The following DCC variants were observed in gnomAD, a reference collection of about 807,000 sequenced individuals.
DCC encodes netrin receptor DCC.
Under a neutral mutation model 172.5 loss-of-function variants are expected in DCC, and 58 were observed. The observed-to-expected ratio is 0.34, with a 90% CI of 0.27 to 0.42. The LOEUF (loss-of-function observed/expected upper bound fraction) is 0.42. Among genes scored for constraint, DCC ranks in the 10% least tolerant of loss-of-function variants. The pLI, the probability that DCC is intolerant of heterozygous loss-of-function variation, is 1.00. For synonymous variants in DCC, 709 were observed against 644.5 expected, an observed-to-expected ratio of 1.10 and a Z score of -1.52; for missense variants, 1,740 against 1,791.0, an observed-to-expected ratio of 0.97 and a Z score of 0.51.
chr18:52,803,602 A>T (rs1293914346), intron 2 of DCC, among the ~76,000 whole-genome samples: 1 of 152,184 alleles, frequency 6.6e-6, no homozygotes. Flanking sequence ...TTTACTTTAT[A>T]TTTAGGCTAC....
chr18:53,344,159 C>T (rs1049528675), intron 15 of DCC, among the ~76,000 whole-genome samples: 4 of 151,870 alleles, frequency 2.6e-5, no homozygotes, highest in Non-Finnish European at 5.9e-5. Flanking sequence ...CCTCCTGATA[C>T]TTATTTTAGT....
At chr18:53,280,546 T>G (rs928060570) in intron 12 of DCC, among the ~76,000 whole-genome samples, 4 of 152,126 alleles carry the variant, frequency 2.6e-5, no homozygotes, top group South Asian at 4.1e-4. Flanking sequence ...CTGGGTGTTT[T>G]CTTTCTTCCT....
intron 15 of DCC, among the ~76,000 whole-genome samples, chr18:53,355,589 A>T (rs1192432714): frequency 6.6e-6 from 1 of 152,278 alleles, no homozygotes; most frequent in South Asian, 2.1e-4. Flanking sequence ...ATTAGTGTAT[A>T]AGAATGCTCG....
chr18:53,459,439 C>A lies in DCC; in HGVS notation c.3600C>A (p.Ser1200Arg). ...SHSQSETQLG[S>R]KSTSHSGQDT... ...GCCAGTCAGAAACCCAACTGGGAAG[C>A]AAAAGCACCTCTCATTCAGGTAATT... The change falls in exon 24 of 29, where the codon AGC becomes AGA. Residue 1200 changes from serine to arginine, a missense_variant. Around this residue, in one of 2 missense-constraint regions of DCC, gnomAD observed 1,732 missense variants for 1,767.4 expected, o/e 0.98. Transcript: ENST00000442544. 4 of 1,609,510 alleles carry A rather than the reference C, an allele frequency of 2.5e-6. No individual in the cohort carries two copies. Among genetic ancestry groups the A allele is most frequent in the Non-Finnish European group, 3.4e-6 (4 of 1,175,938 alleles).
At chr18:52,481,272 C>G (rs972474361) in intron 1 of DCC, among the ~76,000 whole-genome samples, 1 of 149,868 alleles carries the variant, frequency 6.7e-6, no homozygotes, top group East Asian at 1.9e-4. Context: ...GCCAGCCTGG[C>G]GCATGTGGCT....
intron 12 of DCC, among the ~76,000 whole-genome samples, chr18:53,226,948 A>ATATATATATATTTTTTTTT: frequency 5.7e-5 from 3 of 52,948 alleles, no homozygotes; most frequent in African/African-American, 1.9e-4. Context: ...ATATATATAT[A>ATATATATATATTTTTTTTT]TTTTTTTTTT....
chr18:53,136,330 T>A (rs1220189040), intron 7 of DCC, among the ~76,000 whole-genome samples: 1 of 151,954 alleles, frequency 6.6e-6, no homozygotes, highest in East Asian at 1.9e-4. Flanking sequence ...TTTACAGGTG[T>A]GTTTGTGTGT....
At chr18:53,209,736 A>T (rs942271577) in intron 11 of DCC, among the ~76,000 whole-genome samples, 9 of 152,210 alleles carry the variant, frequency 5.9e-5, no homozygotes, top group African/African-American at 2.2e-4. Context: ...GGTAGAATAA[A>T]TTACTTCACA....
chr18:53,136,436 TATTGC>T (rs764415814), intron 7 of DCC, among the ~76,000 whole-genome samples: 3 of 152,158 alleles, frequency 2.0e-5, no homozygotes, highest in Admixed American at 2.0e-4. Context: ...GCTTTAAGTA[TATTGC>T]ATTTTTAGTT....
At chr18:53,088,276 T>A (rs8088552) in intron 7 of DCC, among the ~76,000 whole-genome samples, 1 of 151,934 alleles carries the variant, frequency 6.6e-6, no homozygotes, top group East Asian at 1.9e-4. Flanking sequence ...TCTTTGATTT[T>A]GTTGAGCAGT....
chr18:52,638,648 C>T (rs1265859933), intron 1 of DCC, among the ~76,000 whole-genome samples: 1 of 152,104 alleles, frequency 6.6e-6, no homozygotes, highest in African/African-American at 2.4e-5. Flanking sequence ...AACATATATG[C>T]ACCTAACACA....
At chr18:52,651,509 T>C (rs2035130431) in intron 1 of DCC, among the ~76,000 whole-genome samples, 2 of 152,066 alleles carry the variant, frequency 1.3e-5, no homozygotes, top group Admixed American at 1.3e-4. Flanking sequence ...CTTTTTTTTT[T>C]TTTTTGCAGA....
intron 1 of DCC, among the ~76,000 whole-genome samples, chr18:52,614,092 T>C (rs2034330332): frequency 6.6e-6 from 1 of 152,170 alleles, no homozygotes; most frequent in African/African-American, 2.4e-5. Flanking sequence ...CTGCCAGCCT[T>C]TTGGAATCAA....
At chr18:52,623,244 C>T (rs1444796172) in intron 1 of DCC, among the ~76,000 whole-genome samples, 1 of 152,158 alleles carries the variant, frequency 6.6e-6, no homozygotes, top group African/African-American at 2.4e-5. Context: ...AAATATTTTC[C>T]TCACATGTCA....
chr18:53,527,480 A>C (rs1341460969), intron 28 of DCC, among the ~76,000 whole-genome samples: 3 of 152,022 alleles, frequency 2.0e-5, no homozygotes, highest in African/African-American at 7.2e-5. Flanking sequence ...TGAAATCATA[A>C]AATACCAGAA....
rs556558909 is a variant in DCC, at chr18:53,285,068, G to T, written c.1912-20510G>T. ...GGCATTAAATTTTACATGGGAAACA[G>T]AAGATAAAAGTCTGGAAAATTTGCA... is the stretch of plus-strand genomic sequence containing the variant. On this transcript the variant is annotated intron_variant, in intron 12 of 28. Coordinates refer to ENST00000442544, the MANE Select transcript of DCC (RefSeq NM_005215.4). 3.2e-3 allele frequency among the ~76,000 whole-genome samples: 486 copies of T among 152,200 alleles called. 3 individuals carry two copies. Among genetic ancestry groups the T allele is most frequent in the African/African-American group, 0.011 (470 of 41,522 alleles).
At chr18:52,598,580 G>A (rs78841888) in intron 1 of DCC, among the ~76,000 whole-genome samples, 6,106 of 152,248 alleles carry the variant, frequency 0.04, 157 homozygotes, top group Non-Finnish European at 0.053. Context: ...TAAGCCTAGA[G>A]AGCCAGCTGC....
At chr18:53,024,634 C>G (rs1421720548) in intron 5 of DCC, among the ~76,000 whole-genome samples, 2 of 152,132 alleles carry the variant, frequency 1.3e-5, no homozygotes, top group African/African-American at 4.8e-5. Flanking sequence ...AAGCCAAGGA[C>G]TATTCTCTGA....
intron 1 of DCC, among the ~76,000 whole-genome samples, chr18:52,735,342 C>A (rs771245390): frequency 1.3e-5 from 2 of 152,140 alleles, no homozygotes; most frequent in Non-Finnish European, 2.9e-5. Flanking sequence ...ATCATAGAAT[C>A]ACTTACTTTG....
Sources: allele counts gnomAD v4.1 joint callset (sites outside exome capture counted in the v4.1 genomes callset), GRCh38; gene constraint gnomAD v4.1.1; regional missense constraint gnomAD v4.1.1; transcripts MANE v1.5; gene names NCBI Gene and HGNC (gene_info 2026-07-23, HGNC 2026-07-21).